The following TUBD1 variants were observed in gnomAD, a reference collection of about 807,000 sequenced individuals.
The protein encoded by TUBD1 is tubulin delta 1.
In TUBD1, 38 loss-of-function variants were observed where a neutral mutation model predicts 51.2. The observed-to-expected ratio is 0.74, with a 90% CI of 0.57 to 0.97. The LOEUF (loss-of-function observed/expected upper bound fraction) is 0.97, where lower values mean the gene tolerates loss of function less well. Ranked by LOEUF, TUBD1 falls within the 50% of genes least tolerant of loss-of-function variation. TUBD1 has a pLI of 0.00. For synonymous variants in TUBD1, 169 were observed against 178.2 expected, an observed-to-expected ratio of 0.95 and a Z score of 0.41; for missense variants, 489 against 538.4, an observed-to-expected ratio of 0.91 and a Z score of 0.91.
At position 59,891,144 on chromosome 17, in the gene TUBD1, C is replaced by CAAAA. The variant is rs1263736197; in HGVS notation, c.-39-104_-39-103insTTTT. On this transcript the variant is annotated intron_variant, in intron 1 of 8. Transcript: ENST00000325752. ...TACATCAATAAAAAGTCTTTTTTCC[C>CAAAA]CCCTGAGACGGAGTCTTGTTCTGTC... 3 of 643,228 alleles carry CAAAA rather than the reference C, an allele frequency of 4.7e-6. No individual in the cohort carries two copies. The African/African-American group carries it at 5.6e-5, about 12-fold the overall frequency. The allele number at this position is 643,228 out of a possible 1,614,324, so 39.8% of individuals were successfully genotyped here.
intron 6 of TUBD1, among the ~76,000 whole-genome samples, chr17:59,872,509 C>T (rs1467451911): frequency 6.6e-6 from 1 of 151,888 alleles, no homozygotes; most frequent in Non-Finnish European, 1.5e-5. Flanking sequence ...AAACTGTACA[C>T]ACAAAAAAAT....
In TUBD1 at chr17:59,875,770, A is replaced by G. The variant is rs2040198362; in HGVS notation, c.770-1067T>C. Among the ~76,000 whole-genome samples the G allele has an allele frequency of 2.0e-5, 3 of 151,996 alleles. No individual in the cohort carries two copies. In the South Asian group the frequency reaches 6.2e-4, roughly 32 times the overall value. On this transcript the variant is annotated intron_variant, in intron 5 of 8. Transcript: ENST00000325752. Reference sequence around the variant, plus strand: ...CAAAAAAAAAAAAAAGTTAACATGAAACTCTATTTGGAAAGAAGACAAGAT... The same window carrying G: ...CAAAAAAAAAAAAAAGTTAACATGAGACTCTATTTGGAAAGAAGACAAGAT...
chr17:59,859,793 G>A lies in TUBD1; in HGVS notation c.*529C>T, dbSNP rs1469596702. 2 of 152,136 alleles carry A rather than the reference G, an allele frequency of 1.3e-5. No homozygotes were observed. Among genetic ancestry groups the A allele is most frequent in the African/African-American group, 4.8e-5 (2 of 41,394 alleles). The allele number at this position is 152,136 out of a possible 1,614,324, so 9.4% of individuals were successfully genotyped here. A position where few individuals can be genotyped will look rare whatever the true frequency, so the allele number is the denominator to read the frequency against. On this transcript the variant is annotated 3_prime_UTR_variant, in exon 9 of 9. Coordinates refer to ENST00000325752, the MANE Select transcript of TUBD1 (RefSeq NM_016261.4). ...ACAAAGAGAATATTCTCTTTTCTTG[G>A]CTAGTTCCAGAGTCCCAACATTTCA...
intron 3 of TUBD1, among the ~76,000 whole-genome samples, chr17:59,881,556 T>C (rs2144540952): frequency 6.6e-6 from 1 of 152,320 alleles, no homozygotes; most frequent in African/African-American, 2.4e-5. Flanking sequence ...ATTTTGGGGG[T>C]ACATGTGATA....
At chr17:59,871,673 A>G (rs2039988106) in intron 6 of TUBD1, among the ~76,000 whole-genome samples, 1 of 152,210 alleles carries the variant, frequency 6.6e-6, no homozygotes, top group South Asian at 2.1e-4. Flanking sequence ...CTGGCTGCTT[A>G]TCAAGCCTAG....
chr17:59,887,844 C>A (rs1322929214), intron 2 of TUBD1, among the ~76,000 whole-genome samples: 1 of 151,688 alleles, frequency 6.6e-6, no homozygotes, highest in South Asian at 2.1e-4. Flanking sequence ...ATTGCCCAGG[C>A]TGGTCTTGAA....
intron 5 of TUBD1, 127 bp downstream of exon 5, chr17:59,877,976 A>C: frequency 1.4e-6 from 1 of 736,224 alleles, no homozygotes; most frequent in Non-Finnish European, 2.2e-6. Context: ...AGCAGATGTG[A>C]AGAAAGGGTT....
intron 4 of TUBD1, among the ~76,000 whole-genome samples, chr17:59,880,160 C>T (rs542418721): frequency 1.6e-4 from 24 of 151,926 alleles, no homozygotes; most frequent in Admixed American, 1.2e-3. Context: ...CAAGTTCAAG[C>T]GAAATCTCCT....
chr17:59,884,121 C>T (rs1377976171), intron 3 of TUBD1, among the ~76,000 whole-genome samples: 1 of 151,728 alleles, frequency 6.6e-6, no homozygotes, highest in Non-Finnish European at 1.5e-5. Flanking sequence ...ATTAGCCGGG[C>T]GTGGTGGCAT....
intron 6 of TUBD1, among the ~76,000 whole-genome samples, chr17:59,868,438 G>A (rs923275820): frequency 2.0e-5 from 3 of 152,088 alleles, no homozygotes; most frequent in African/African-American, 7.2e-5. Context: ...GCTCATGCCT[G>A]TAATCCCAGC....
At chr17:59,866,581 A>G in intron 7 of TUBD1, 28 bp downstream of exon 7, 1 of 1,611,574 alleles carries the variant, frequency 6.2e-7, no homozygotes, top group Non-Finnish European at 8.5e-7. Context: ...ACAAAATGTA[A>G]ATCTTAATTT....
chr17:59,869,478 C>T (rs1181214013), intron 6 of TUBD1, among the ~76,000 whole-genome samples: 1 of 148,754 alleles, frequency 6.7e-6, no homozygotes. Flanking sequence ...CTGTCCCCCC[C>T]GCCAAAAAAA....
chr17:59,883,577 TG>T (rs2144552185), intron 3 of TUBD1, among the ~76,000 whole-genome samples: 1 of 151,706 alleles, frequency 6.6e-6, no homozygotes, highest in South Asian at 2.1e-4. Flanking sequence ...GCCTAATTTT[TG>T]TATTTTTAGT....
Position 59,888,259 on chromosome 17 carries a change from C to T in TUBD1, c.173-2029G>A, listed in dbSNP as rs146562305. ...CGATGTCTTTTTAAACACAGCAGTACGGAGGATGGATGTGATAGACAGTAG... is the reference window on the plus strand; with the variant it reads ...CGATGTCTTTTTAAACACAGCAGTATGGAGGATGGATGTGATAGACAGTAG... On this transcript the variant is annotated intron_variant, in intron 2 of 8. Coordinates refer to ENST00000325752, the MANE Select transcript of TUBD1 (RefSeq NM_016261.4). Among the ~76,000 whole-genome samples the T allele has an allele frequency of 3.4e-3, 524 of 151,976 alleles. 3 individuals carry two copies. Among genetic ancestry groups the T allele is most frequent in the Non-Finnish European group, 5.1e-3 (350 of 67,976 alleles).
intron 4 of TUBD1, among the ~76,000 whole-genome samples, chr17:59,879,976 C>A (rs2040408067): frequency 6.6e-6 from 1 of 152,042 alleles, no homozygotes; most frequent in African/African-American, 2.4e-5. Context: ...TGATCTCGAA[C>A]TTCTGACCTC....
intron 4 of TUBD1, 81 bp from the exon 5 acceptor site, chr17:59,878,415 G>T: frequency 9.8e-7 from 1 of 1,015,530 alleles, no homozygotes; most frequent in Non-Finnish European, 1.5e-6. Flanking sequence ...ATCCTGGCAG[G>T]GTTCAAATCC....
intron 8 of TUBD1, among the ~76,000 whole-genome samples, chr17:59,862,360 C>G (rs886189641): frequency 1.3e-5 from 2 of 151,634 alleles, no homozygotes; most frequent in Non-Finnish European, 2.9e-5. Flanking sequence ...GAAGCCTTGT[C>G]CACTCATTTG....
rs755321925 is a variant in TUBD1, at chr17:59,880,972, G to A, written c.459C>T (p.Phe153=). The stretch of plus-strand genomic sequence containing the variant: ...ACTGATCTTCTAAATTCTGTGTAAC[G>A]AAAGCTCCTAATCCTGATCCTGTGC... ...AGGTGSGLGA[F]VTQNLEDQYS... is the part of the protein sequence containing the mutation. The change falls in exon 4 of 9, where the codon TTC becomes TTT. Residue 153 remains phenylalanine, a synonymous_variant. Transcript: ENST00000325752. 9.3e-6 allele frequency: 15 copies of A among 1,613,962 alleles called. No individual in the cohort carries two copies. The South Asian group carries it at 1.6e-4, about 18-fold the overall frequency.
At chr17:59,887,656 T>C (rs1306742094) in intron 2 of TUBD1, among the ~76,000 whole-genome samples, 1 of 152,116 alleles carries the variant, frequency 6.6e-6, no homozygotes, top group African/African-American at 2.4e-5. Context: ...CCACCAAAAA[T>C]TTTCAAGCAG....
Sources: gnomAD v4.1 joint callset for allele counts (sites outside exome capture counted in the v4.1 genomes callset) on GRCh38, gnomAD v4.1.1 for gene constraint, MANE v1.5 for transcripts, NCBI Gene and HGNC (gene_info 2026-07-23, HGNC 2026-07-21) for gene names.